NUBPL: variants seen among roughly 807,000 people sequenced by gnomAD.
NUBPL encodes NUBP iron-sulfur cluster assembly factor, mitochondrial.
In NUBPL, 31 loss-of-function variants were observed where a neutral mutation model predicts 45.7. The ratio of observed to expected loss-of-function variants is 0.68; its 90% CI spans 0.51 to 0.92. The LOEUF is 0.92. Ranked by LOEUF, NUBPL falls within the 40% of genes least tolerant of loss-of-function variation. NUBPL has a pLI of 0.00. For missense variants in NUBPL, 401 were observed against 398.7 expected (o/e 1.01, Z -0.05); for synonymous variants, 144 against 140.9 (o/e 1.02, Z -0.15).
chr14:31,841,932 T>TTG lies in NUBPL; in HGVS notation c.694-4538_694-4537insGT, dbSNP rs1566593643. Among the ~76,000 whole-genome samples, 3 of 123,750 alleles carry TTG rather than the reference T, an allele frequency of 2.4e-5. 1 individual carries two copies. Among genetic ancestry groups the TTG allele is most frequent in the Admixed American group, 1.6e-4 (2 of 12,266 alleles). The allele number at this position is 123,750 out of a possible 152,430, so 81.2% of individuals were successfully genotyped here. On this transcript the variant is annotated intron_variant, in intron 8 of 10. Coordinates refer to ENST00000281081, the MANE Select transcript of NUBPL (RefSeq NM_025152.3). ...CGATTCTGGGCTTTTTTTTTTTTTT[T>TTG]TTTTTTTTTTTTTTTTGAGACGGGG... is the stretch of plus-strand genomic sequence containing the variant.
At chr14:31,571,922 G>A (rs1165537050) in intron 3 of NUBPL, among the ~76,000 whole-genome samples, 1 of 152,140 alleles carries the variant, frequency 6.6e-6, no homozygotes, top group Non-Finnish European at 1.5e-5. Flanking sequence ...TAATCTTCAT[G>A]ACATGGTTCT....
chr14:31,666,240 TATATATATATATATATATA>T lies in NUBPL; in HGVS notation c.383-7114_383-7096del, dbSNP rs2036411009. Among the ~76,000 whole-genome samples the T allele has an allele frequency of 4.7e-4, 12 of 25,632 alleles. No individual in the cohort carries two copies. The Admixed American group carries it at 5.0e-3, about 11-fold the overall frequency. 16.8% of individuals were successfully genotyped at this position (25,632 alleles called of 152,430 possible). A position where few individuals can be genotyped will look rare whatever the true frequency, so the allele number is the denominator to read the frequency against. ...CATTTATATTTAAGATATATATATA[TATATATATATATATATATA>T]TATAATTTTATTTTATTTTTTTTGA... On this transcript the variant is annotated intron_variant, in intron 4 of 10. Coordinates refer to ENST00000281081, the MANE Select transcript of NUBPL (RefSeq NM_025152.3).
intron 6 of NUBPL, among the ~76,000 whole-genome samples, chr14:31,757,102 C>T (rs1027336323): frequency 6.6e-6 from 1 of 151,390 alleles, no homozygotes; most frequent in Middle Eastern, 3.4e-3. Context: ...ATTCGGTTTG[C>T]CAGTATTTTA....
intron 6 of NUBPL, among the ~76,000 whole-genome samples, chr14:31,777,670 A>G (rs949855381): frequency 6.6e-6 from 1 of 152,222 alleles, no homozygotes; most frequent in African/African-American, 2.4e-5. Flanking sequence ...CCACCCAATA[A>G]GTCCAGCCAG....
chr14:31,741,475 G>C (rs1037041216), intron 6 of NUBPL, among the ~76,000 whole-genome samples: 11 of 152,128 alleles, frequency 7.2e-5, no homozygotes, highest in Admixed American at 4.6e-4. Flanking sequence ...TGGTAAACTA[G>C]TTGCTTCTGA....
chr14:31,673,275 A>G, intron 4 of NUBPL, 80 bp from the exon 5 acceptor site: 1 of 1,272,898 alleles, frequency 7.9e-7, no homozygotes, highest in Non-Finnish European at 1.1e-6. Context: ...ATTTTTAAAA[A>G]GATGAAAAAA....
At chr14:31,833,897 G>T (rs1025137902) in intron 8 of NUBPL, among the ~76,000 whole-genome samples, 2 of 152,154 alleles carry the variant, frequency 1.3e-5, no homozygotes, top group Non-Finnish European at 1.5e-5. Flanking sequence ...AGAAGCCTAA[G>T]AAATATCAAT....
intron 4 of NUBPL, among the ~76,000 whole-genome samples, chr14:31,659,799 A>G (rs886202547): frequency 2.0e-5 from 3 of 152,212 alleles, no homozygotes; most frequent in Non-Finnish European, 4.4e-5. Context: ...CTTGAGCCAG[A>G]TGATTTTCCT....
At chr14:31,684,987 A>G (rs2036919880) in intron 6 of NUBPL, among the ~76,000 whole-genome samples, 1 of 152,180 alleles carries the variant, frequency 6.6e-6, no homozygotes, top group Non-Finnish European at 1.5e-5. Flanking sequence ...GTAGTTCAAA[A>G]GGTAGGAAAA....
intron 6 of NUBPL, among the ~76,000 whole-genome samples, chr14:31,727,288 T>A (rs1225348737): frequency 3.9e-5 from 6 of 152,220 alleles, no homozygotes; most frequent in Non-Finnish European, 8.8e-5. Flanking sequence ...TTCAAGTTGA[T>A]TATTTAGCTT....
intron 6 of NUBPL, among the ~76,000 whole-genome samples, chr14:31,713,121 C>A (rs541199333): frequency 1.3e-5 from 2 of 152,120 alleles, no homozygotes; most frequent in Non-Finnish European, 2.9e-5. Flanking sequence ...ATAAGACAAA[C>A]GTTAGTTTTA....
intron 3 of NUBPL, among the ~76,000 whole-genome samples, chr14:31,581,278 C>T (rs1448930758): frequency 1.4e-5 from 2 of 143,970 alleles, no homozygotes; most frequent in African/African-American, 5.2e-5. Flanking sequence ...TTAAAGTGTG[C>T]AATTCAGTGG....
At chr14:31,734,111 G>A (rs968166523) in intron 6 of NUBPL, among the ~76,000 whole-genome samples, 1 of 152,110 alleles carries the variant, frequency 6.6e-6, no homozygotes, top group Admixed American at 6.6e-5. Context: ...TTGTCATGAT[G>A]TATTATTATT....
intron 8 of NUBPL, among the ~76,000 whole-genome samples, chr14:31,841,835 A>G (rs757407012): frequency 5.7e-5 from 8 of 141,198 alleles, no homozygotes; most frequent in African/African-American, 5.4e-5. Flanking sequence ...TCATTATTTT[A>G]TATATGGATA....
chr14:31,767,600 C>G (rs752278662), intron 6 of NUBPL, among the ~76,000 whole-genome samples: 2 of 152,240 alleles, frequency 1.3e-5, no homozygotes, highest in African/African-American at 2.4e-5. Flanking sequence ...ATCAAACCAA[C>G]AGGGACTGCT....
In NUBPL at chr14:31,663,268, C is replaced by T. The variant is rs1183971154; in HGVS notation, c.383-10087C>T. On this transcript the variant is annotated intron_variant, in intron 4 of 10. Transcript: ENST00000281081. ...ATTAGATCCCATTTGTCAATTTTGG[C>T]TTTGGTTGCCATTGCTTTTGGTGTT... Among the ~76,000 whole-genome samples, 4 of 152,154 alleles carry T rather than the reference C, an allele frequency of 2.6e-5. 1 individual carries two copies. Among genetic ancestry groups the T allele is most frequent in the Admixed American group, 2.0e-4 (3 of 15,270 alleles).
chr14:31,751,764 G>T (rs1281798861), intron 6 of NUBPL, among the ~76,000 whole-genome samples: 1 of 152,192 alleles, frequency 6.6e-6, no homozygotes, highest in African/African-American at 2.4e-5. Context: ...CTGTGTGGGG[G>T]TTTCAAACCC....
chr14:31,822,657 A>G (rs113057336), intron 7 of NUBPL, among the ~76,000 whole-genome samples: 15 of 152,228 alleles, frequency 9.9e-5, no homozygotes, highest in Non-Finnish European at 1.6e-4. Context: ...AATTAAGAAC[A>G]TATATTTCAG....
chr14:31,646,795 G>A (rs1179243670), intron 4 of NUBPL, among the ~76,000 whole-genome samples: 1 of 149,532 alleles, frequency 6.7e-6, no homozygotes, highest in Admixed American at 6.7e-5. Flanking sequence ...AATAAGCTTT[G>A]TATCCCTTTC....
Sources: gnomAD v4.1 joint callset for allele counts (sites outside exome capture counted in the v4.1 genomes callset) on GRCh38, gnomAD v4.1.1 for gene constraint, MANE v1.5 for transcripts, NCBI Gene and HGNC (gene_info 2026-07-23, HGNC 2026-07-21) for gene names.